Variants in GRHPR observed in about 807,000 individuals in gnomAD.
GRHPR encodes the protein glyoxylate reductase/hydroxypyruvate reductase.
In GRHPR, 35 loss-of-function variants were observed where a neutral mutation model predicts 36.8. The ratio of observed to expected loss-of-function variants is 0.95; its 90% CI spans 0.73 to 1.26. The LOEUF is 1.26. GRHPR is among the 50% of genes most tolerant of loss of function. The probability of loss-of-function intolerance (pLI) is 0.00; values close to 1 mark genes in which losing one functional copy is unlikely to be tolerated. For missense variants in GRHPR, 380 were observed against 435.0 expected (o/e 0.87, Z 1.12); for synonymous variants, 179 against 181.0 (o/e 0.99, Z 0.09).
chr9:37,422,734 C>T lies in GRHPR; in HGVS notation c.-17C>T, dbSNP rs747479930. The T allele has an allele frequency of 2.7e-5, 42 of 1,557,920 alleles. No homozygotes were observed. The highest frequency in any genetic ancestry group is 2.0e-4 in the Admixed American group (11 of 53,972). On this transcript the variant is annotated 5_prime_UTR_variant, in exon 1 of 9. Transcript: ENST00000318158. ...AGCTTCTGTACTGCCAGGTCCGGGTCGGCGGCTGCACTGCGGATGAGACCG... is the reference window on the plus strand; with the variant it reads ...AGCTTCTGTACTGCCAGGTCCGGGTTGGCGGCTGCACTGCGGATGAGACCG...
chr9:37,423,179 T>G (rs1386356953), intron 1 of GRHPR, among the ~76,000 whole-genome samples: 9 of 150,842 alleles, frequency 6.0e-5, no homozygotes, highest in Non-Finnish European at 1.0e-4. Flanking sequence ...TTTTTTTTTT[T>G]TTTTGAGACA....
At chr9:37,422,889 G>C in intron 1 of GRHPR, 56 bp downstream of exon 1, 1 of 1,299,854 alleles carries the variant, frequency 7.7e-7, no homozygotes, top group Non-Finnish European at 1.1e-6. Context: ...GGACCGGAGA[G>C]CCGGGCGGGG....
downstream of GRHPR, chr9:37,438,415 T>C (rs1823767771): frequency 6.6e-6 from 1 of 152,610 alleles, no homozygotes; most frequent in East Asian, 1.9e-4. Flanking sequence ...AGCTTGCTTC[T>C]CACACGTAGA....
chr9:37,425,778 AT>A, intron 2 of GRHPR, 143 bp from the exon 3 acceptor site: 1 of 662,864 alleles, frequency 1.5e-6, no homozygotes, highest in Non-Finnish European at 2.8e-6. Flanking sequence ...AAAGGGGATT[AT>A]TCAGAGTTTT....
In GRHPR at chr9:37,428,525, A is replaced by G; in HGVS notation, c.446A>G (p.Tyr149Cys). ...TGGAAGCCCCTCTGGCTGTGTGGCT[A>G]TGGACTCACGCAGAGCACTGTCGGC... ...TSWKPLWLCGYGLTQSTVGII... is the reference protein window; with the variant it reads ...TSWKPLWLCGCGLTQSTVGII... The change falls in exon 5 of 9, where the codon TAT becomes TGT. Residue 149 changes from tyrosine (Y) to cysteine (C), a missense_variant. Coordinates refer to ENST00000318158, the MANE Select transcript of GRHPR (RefSeq NM_012203.2). 1.2e-6 allele frequency: 2 copies of G among 1,612,410 alleles called. No homozygotes were observed. Among genetic ancestry groups the G allele is most frequent in the East Asian group, 2.2e-5 (1 of 44,894 alleles).
chr9:37,430,566 A>T lies in GRHPR; in HGVS notation c.654A>T (p.Leu218Phe). ...QSDFIVVACS[L>F]TPATEGLCNK... is the part of the protein sequence containing the mutation. Reference sequence around the variant, plus strand: ...ATTTCATCGTCGTGGCCTGCTCCTTAACACCTGCAACCGAGGGACTCTGCA... The same window carrying T: ...ATTTCATCGTCGTGGCCTGCTCCTTTACACCTGCAACCGAGGGACTCTGCA... The change falls in exon 7 of 9, where the codon TTA becomes TTT. Residue 218 changes from leucine to phenylalanine, a missense_variant. Coordinates refer to ENST00000318158, the MANE Select transcript of GRHPR (RefSeq NM_012203.2). 1 of 1,613,480 alleles carries T rather than the reference A, an allele frequency of 6.2e-7. No individual in the cohort carries two copies. Among genetic ancestry groups the T allele is most frequent in the Non-Finnish European group, 8.5e-7 (1 of 1,179,466 alleles).
rs373511463 is a variant in GRHPR, at chr9:37,429,710, A to C, written c.494-22A>C. On this transcript the variant is annotated intron_variant, in intron 5 of 8. Coordinates refer to ENST00000318158, the MANE Select transcript of GRHPR (RefSeq NM_012203.2). ...TACCCTTTGCGGGACTGGGAACGAG[A>C]CATGGACTCTCCTTGCTCTAGGCCA... 2.0e-6 allele frequency: 3 copies of C among 1,517,306 alleles called. No individual in the cohort carries two copies. The African/African-American group carries it at 4.1e-5, about 21-fold the overall frequency. The allele number at this position is 1,517,306 out of a possible 1,614,324, so 94.0% of individuals were successfully genotyped here. A position where few individuals can be genotyped will look rare whatever the true frequency, so the allele number is the denominator to read the frequency against.
chr9:37,433,228 A>ATT (rs11345501), intron 8 of GRHPR, among the ~76,000 whole-genome samples: 156 of 97,168 alleles, frequency 1.6e-3, no homozygotes, highest in African/African-American at 2.9e-3. Flanking sequence ...TGGTTCTCAC[A>ATT]TTTTTTTTTT....
In GRHPR at chr9:37,428,529, A is replaced by G; in HGVS notation, c.450A>G (p.Gly150=). ...SWKPLWLCGY[G]LTQSTVGIIG... ...AGCCCCTCTGGCTGTGTGGCTATGG[A>G]CTCACGCAGAGCACTGTCGGCATCA... The change falls in exon 5 of 9, where the codon GGA becomes GGG. Residue 150 remains glycine (G), a synonymous_variant. Coordinates refer to ENST00000318158, the MANE Select transcript of GRHPR (RefSeq NM_012203.2). 6.2e-7 allele frequency: 1 copy of G among 1,612,266 alleles called. No homozygotes were observed. The highest frequency in any genetic ancestry group is 2.2e-5 in the East Asian group (1 of 44,872).
intron 1 of GRHPR, among the ~76,000 whole-genome samples, chr9:37,423,365 G>T (rs912662651): frequency 1.3e-5 from 2 of 151,212 alleles, no homozygotes. Flanking sequence ...AGAGATGGGG[G>T]TCTCACTCTG....
chr9:37,433,427 T>A (rs1018940645), intron 8 of GRHPR, among the ~76,000 whole-genome samples: 2 of 151,872 alleles, frequency 1.3e-5, no homozygotes, highest in East Asian at 3.9e-4. Flanking sequence ...AGAGATGGGG[T>A]TTGTCCATGT....
chr9:37,428,416 C>T (rs574706063), intron 4 of GRHPR, 68 bp from the exon 5 acceptor site: 60 of 1,020,618 alleles, frequency 5.9e-5, no homozygotes, highest in Admixed American at 3.0e-4. Flanking sequence ...TCAGAGGTGC[C>T]GGGTTCTCAG....
In GRHPR at chr9:37,424,923, C is replaced by G. The variant is rs777666462; in HGVS notation, c.162C>G (p.Gly54=). ...ELERGVAGAH[G]LLCLLSDHVD... ...AGCGAGGTGTGGCGGGGGCCCACGG[C>G]CTGCTCTGCCTCCTCTCCGACCACG... The change falls in exon 2 of 9, where the codon GGC becomes GGG. Residue 54 remains glycine (G), a synonymous_variant. Transcript: ENST00000318158. 1.2e-6 allele frequency: 2 copies of G among 1,612,216 alleles called. No homozygotes were observed. Among genetic ancestry groups the G allele is most frequent in the Admixed American group, 3.3e-5 (2 of 60,004 alleles).
intron 4 of GRHPR, 45 bp downstream of exon 4, chr9:37,426,699 C>A: frequency 8.5e-7 from 1 of 1,171,516 alleles, no homozygotes; most frequent in Non-Finnish European, 1.3e-6. Context: ...GCTGTAATCC[C>A]AGCACTTTGG....
intron 1 of GRHPR, among the ~76,000 whole-genome samples, chr9:37,423,141 A>T (rs1588747715): frequency 2.2e-5 from 3 of 137,956 alleles, no homozygotes; most frequent in African/African-American, 5.4e-5. Flanking sequence ...GGCTTTGATG[A>T]CTCTTCTTCT....
intron 4 of GRHPR, among the ~76,000 whole-genome samples, chr9:37,427,312 A>G (rs911368772): frequency 6.6e-6 from 1 of 152,190 alleles, no homozygotes; most frequent in Non-Finnish European, 1.5e-5. Context: ...CGGACAGCTG[A>G]AAGTTCTTTC....
chr9:37,431,695 T>C (rs919231142), intron 7 of GRHPR: 1 of 351,628 alleles, frequency 2.8e-6, no homozygotes, highest in Non-Finnish European at 5.5e-6. Flanking sequence ...TAAGAAAGCT[T>C]TAATCCTCCC....
intron 2 of GRHPR, among the ~76,000 whole-genome samples, 194 bp from the exon 3 acceptor site, chr9:37,425,728 G>A (rs1823046598): frequency 6.6e-6 from 1 of 152,222 alleles, no homozygotes; most frequent in Non-Finnish European, 1.5e-5. Flanking sequence ...GACTGAGCCA[G>A]GCCACTTAAC....
intron 3 of GRHPR, 95 bp downstream of exon 3, chr9:37,426,089 G>A: frequency 1.2e-6 from 1 of 851,148 alleles, no homozygotes; most frequent in Non-Finnish European, 2.0e-6. Context: ...ATATCCCTCG[G>A]CCATTCAGGG....
Sources: gnomAD v4.1 joint callset for allele counts (sites outside exome capture counted in the v4.1 genomes callset) on GRCh38, gnomAD v4.1.1 for gene constraint, MANE v1.5 for transcripts, NCBI Gene and HGNC (gene_info 2026-07-23, HGNC 2026-07-21) for gene names.